The following ZCCHC14 variants were observed in gnomAD, a reference collection of about 807,000 sequenced individuals.
The protein encoded by ZCCHC14 is zinc finger CCHC domain-containing protein 14.
In ZCCHC14, 16 loss-of-function variants were observed where a neutral mutation model predicts 85.0. The ratio of observed to expected loss-of-function variants is 0.19; its 90% CI spans 0.13 to 0.29. The LOEUF is 0.29. ZCCHC14 is among the 10% of genes least tolerant of loss of function. ZCCHC14 has a pLI of 1.00. For missense variants in ZCCHC14, 1,303 were observed against 1,443.5 expected (o/e 0.90, Z 1.58); for synonymous variants, 775 against 630.7 (o/e 1.23, Z -3.43).
At position 87,435,029 on chromosome 16, in the gene ZCCHC14, A is replaced by G. The variant is rs57431549; in HGVS notation, c.695-1828T>C. Among the ~76,000 whole-genome samples, 1,503 of 150,578 alleles carry G rather than the reference A, an allele frequency of 1.0e-2. 24 individuals are homozygous for G. Among genetic ancestry groups the G allele is most frequent in the African/African-American group, 0.034 (1,394 of 40,814 alleles). On this transcript the variant is annotated intron_variant, in intron 2 of 12. Coordinates refer to ENST00000671377, the MANE Select transcript of ZCCHC14 (RefSeq NM_015144.3). ...AAAAAAAAAAAAGACGTTTTTTGGGAAAAAAAAATCTCAGAAACTCCTTGT... is the reference window on the plus strand; with the variant it reads ...AAAAAAAAAAAAGACGTTTTTTGGGGAAAAAAAATCTCAGAAACTCCTTGT...
chr16:87,425,687 T>C (rs1185482247), intron 3 of ZCCHC14, among the ~76,000 whole-genome samples: 2 of 152,178 alleles, frequency 1.3e-5, no homozygotes, highest in Admixed American at 6.5e-5. Context: ...GAGAGGTTCC[T>C]AAGCTGCTCC....
chr16:87,429,782 T>C (rs1463370911), intron 3 of ZCCHC14, among the ~76,000 whole-genome samples: 2 of 152,222 alleles, frequency 1.3e-5, no homozygotes, highest in Non-Finnish European at 2.9e-5. Flanking sequence ...AATTTTTCTA[T>C]TTTTACTAGA....
chr16:87,415,086 AAAAT>A (rs934081286), intron 9 of ZCCHC14, among the ~76,000 whole-genome samples, 186 bp downstream of exon 9: 5 of 152,244 alleles, frequency 3.3e-5, no homozygotes, highest in Admixed American at 6.5e-5. Flanking sequence ...TCCGTCTCAA[AAAAT>A]AAATAAATAA....
chr16:87,464,301 C>T lies in ZCCHC14; in HGVS notation c.571-4170G>A, dbSNP rs545667801. Among the ~76,000 whole-genome samples the T allele has an allele frequency of 2.6e-5, 4 of 152,336 alleles. No individual in the cohort carries two copies. The South Asian group carries it at 8.3e-4, about 32-fold the overall frequency. On this transcript the variant is annotated intron_variant, in intron 1 of 12. Transcript: ENST00000671377. ...GGCCCTGAGAAAACCACATCCCACA[C>T]TCCCCACCAAAATCAGAGTTTCTGG...
At chr16:87,483,695 C>G (rs1912389304) in intron 1 of ZCCHC14, among the ~76,000 whole-genome samples, 1 of 152,136 alleles carries the variant, frequency 6.6e-6, no homozygotes, top group African/African-American at 2.4e-5. Flanking sequence ...ACTCGCTGGG[C>G]TCGTTAAAGG....
In ZCCHC14 at chr16:87,474,588, G is replaced by A. The variant is rs949697888; in HGVS notation, c.571-14457C>T. On this transcript the variant is annotated intron_variant, in intron 1 of 12. Coordinates refer to ENST00000671377, the MANE Select transcript of ZCCHC14 (RefSeq NM_015144.3). ...ACAGGACCAAGACAAGCAGAAACTG[G>A]AGGGAGCCTGTGCCCAGAGCGAGCT... Among the ~76,000 whole-genome samples, 16 of 152,282 alleles carry A rather than the reference G, an allele frequency of 1.1e-4. No homozygotes were observed. The East Asian group carries it at 3.1e-3, about 29-fold the overall frequency.
chr16:87,472,132 G>C (rs1012774974), intron 1 of ZCCHC14: 1 of 152,300 alleles, frequency 6.6e-6, no homozygotes, highest in Admixed American at 6.5e-5. Context: ...AACTGAAGTA[G>C]GAGGAGTAAA....
intron 2 of ZCCHC14, among the ~76,000 whole-genome samples, chr16:87,456,140 A>T (rs1270506440): frequency 6.6e-6 from 1 of 152,218 alleles, no homozygotes; most frequent in African/African-American, 2.4e-5. Context: ...TAAAGAACCC[A>T]TAAGGAAATT....
rs773196348 is a variant in ZCCHC14, at chr16:87,411,726, G to A, written c.2995C>T (p.Pro999Ser). ...AACGTGGACTGCCCACTCAGGACAG[G>A]GTCTGGGGTCCCGCTGCTGCTGTAA... ...APYSSSGTPD[P>S]VLSGQSTFAV... is the part of the protein sequence containing the mutation. The change falls in exon 12 of 13, where the codon CCT (proline) becomes TCT (serine). Residue 999 changes from proline (P) to serine (S), a missense_variant. Coordinates refer to ENST00000671377, the MANE Select transcript of ZCCHC14 (RefSeq NM_015144.3). 13 of 1,613,890 alleles carry A rather than the reference G, an allele frequency of 8.1e-6. No homozygotes were observed. Among genetic ancestry groups the A allele is most frequent in the Non-Finnish European group, 1.1e-5 (13 of 1,180,030 alleles).
In ZCCHC14 at chr16:87,491,499, G is replaced by A. The variant is rs1912766657; in HGVS notation, c.570+170C>T. ...GTGCGACATAGAGGCTTAGGATGGG[G>A]CTTGGGATACGGGCTGGGGGCTCGT... On this transcript the variant is annotated intron_variant, in intron 1 of 12. Coordinates refer to ENST00000671377, the MANE Select transcript of ZCCHC14 (RefSeq NM_015144.3). This position sits in a 1 kb window ranked among gnomAD's most constrained non-coding sequence, Gnocchi z 5.9. Among the ~76,000 whole-genome samples, 1 of 152,020 alleles carries A rather than the reference G, an allele frequency of 6.6e-6. No homozygotes were observed. The highest frequency in any genetic ancestry group is 2.1e-4 in the South Asian group (1 of 4,802).
intron 1 of ZCCHC14, among the ~76,000 whole-genome samples, chr16:87,480,790 C>T (rs1378227555): frequency 6.6e-6 from 1 of 152,284 alleles, no homozygotes; most frequent in South Asian, 2.1e-4. Context: ...GATAAGGATG[C>T]AACAACAAAA....
Position 87,411,854 on chromosome 16 carries a change from A to G in ZCCHC14, c.2867T>C (p.Val956Ala). ...GAAGGGCAAGAAGGGGAAGGTGAAC[A>G]CGGACGGACCGGAGAACGGGTGCTG... ...YFQHPFSGPSVFTFPFLPFSP... is the reference protein window; with the variant it reads ...YFQHPFSGPSAFTFPFLPFSP... The change falls in exon 12 of 13, where the codon GTG becomes GCG. Residue 956 changes from valine to alanine, a missense_variant. By Grantham distance (64) the Val-to-Ala change is moderately conservative (BLOSUM62 0). Around this residue, in one of 7 missense-constraint regions of ZCCHC14, gnomAD observed 797 missense variants for 730.8 expected, o/e 1.09. Coordinates refer to ENST00000671377, the MANE Select transcript of ZCCHC14 (RefSeq NM_015144.3). The G allele has an allele frequency of 6.2e-7, 1 of 1,608,884 alleles. No individual in the cohort carries two copies. The highest frequency in any genetic ancestry group is 8.5e-7 in the Non-Finnish European group (1 of 1,178,022).
intron 1 of ZCCHC14, among the ~76,000 whole-genome samples, chr16:87,460,844 A>G (rs1911223479): frequency 6.6e-6 from 1 of 152,232 alleles, no homozygotes; most frequent in Non-Finnish European, 1.5e-5. Flanking sequence ...ATAAATCTTA[A>G]ATCATAAAAT....
chr16:87,445,287 G>A lies in ZCCHC14; in HGVS notation c.695-12086C>T, dbSNP rs562071663. Among the ~76,000 whole-genome samples, 8 of 152,114 alleles carry A rather than the reference G, an allele frequency of 5.3e-5. No individual in the cohort carries two copies. In the South Asian group the frequency reaches 1.7e-3, roughly 32 times the overall value. On this transcript the variant is annotated intron_variant, in intron 2 of 12. Coordinates refer to ENST00000671377, the MANE Select transcript of ZCCHC14 (RefSeq NM_015144.3). ...TCACCATGTTGACCAGGATGGTCTC[G>A]ATCTCTTGACCTCATGATCCACCCA...
At chr16:87,413,225 C>A (rs746835922) in intron 10 of ZCCHC14, 30 bp from the exon 11 acceptor site, 33 of 1,495,528 alleles carry the variant, frequency 2.2e-5, no homozygotes, top group Non-Finnish European at 2.8e-5. Context: ...GAGCAGCCAT[C>A]AACTAGCGCC....
intron 1 of ZCCHC14, among the ~76,000 whole-genome samples, chr16:87,462,335 A>G (rs146526067): frequency 0.01 from 1,555 of 152,330 alleles, 17 homozygotes; most frequent in Non-Finnish European, 0.015. Flanking sequence ...TAAACAAGAT[A>G]ATAGAACCGA....
In ZCCHC14 at chr16:87,436,551, G is replaced by A. The variant is rs148911465; in HGVS notation, c.695-3350C>T. Among the ~76,000 whole-genome samples, 379 of 152,354 alleles carry A rather than the reference G, an allele frequency of 2.5e-3. 2 individuals carry two copies. The highest frequency in any genetic ancestry group is 0.01 in the Admixed American group (157 of 15,314). ...GCTCTCAACTCTGCAGCCATTAGAC[G>A]CTGTGATTCGAAAAACCACAACAAG... is the stretch of plus-strand genomic sequence containing the variant. On this transcript the variant is annotated intron_variant, in intron 2 of 12. Transcript: ENST00000671377.
At chr16:87,443,924 C>G (rs1910305336) in intron 2 of ZCCHC14, among the ~76,000 whole-genome samples, 1 of 151,828 alleles carries the variant, frequency 6.6e-6, no homozygotes, top group Non-Finnish European at 1.5e-5. Flanking sequence ...GTAGTCCCAG[C>G]TCCTCAGGAG....
At chr16:87,475,379 C>A (rs549732392) in intron 1 of ZCCHC14, among the ~76,000 whole-genome samples, 1 of 151,948 alleles carries the variant, frequency 6.6e-6, no homozygotes, top group Non-Finnish European at 1.5e-5. Flanking sequence ...TGGCAAAACC[C>A]TGTCTCTACA....
Sources: gnomAD v4.1 joint callset for allele counts (sites outside exome capture counted in the v4.1 genomes callset) on GRCh38, gnomAD v4.1.1 for gene constraint, gnomAD v4.1.1 regional missense constraint, Gnocchi (gnomAD v3.1) non-coding constraint, MANE v1.5 for transcripts, NCBI Gene and HGNC (gene_info 2026-07-23, HGNC 2026-07-21) for gene names.